The following CYP4B1 variants were observed in gnomAD, a reference collection of about 807,000 sequenced individuals.
CYP4B1 encodes cytochrome P450 family 4 subfamily B member 1.
CYP4B1 carries 45 observed loss-of-function variants against 54.0 expected under a neutral mutation model. The observed-to-expected ratio is 0.83, with a 90% CI of 0.66 to 1.07. CYP4B1 has a LOEUF of 1.07. CYP4B1 is among the 50% of genes least tolerant of loss of function. CYP4B1 has a pLI of 0.00. For synonymous variants in CYP4B1, 248 were observed against 247.5 expected, an observed-to-expected ratio of 1.00 and a Z score of -0.02; for missense variants, 656 against 655.4, an observed-to-expected ratio of 1.00 and a Z score of -0.01.
At chr1:46,807,883 G>A (rs557217620) in intron 1 of CYP4B1, among the ~76,000 whole-genome samples, 1 of 152,346 alleles carries the variant, frequency 6.6e-6, no homozygotes, top group Non-Finnish European at 1.5e-5. Context: ...ATTATCAGAT[G>A]CCTGTGTCCT....
At chr1:46,816,831 A>G (rs544134502) in intron 8 of CYP4B1, among the ~76,000 whole-genome samples, 1 of 152,236 alleles carries the variant, frequency 6.6e-6, no homozygotes, top group East Asian at 1.9e-4. Context: ...CTACCAGTGA[A>G]GATGAGAAAG....
At position 46,799,093 on chromosome 1, in the gene CYP4B1, C is replaced by T. The variant is rs113351559; in HGVS notation, c.12C>T (p.Ser4=). The T allele has an allele frequency of 2.3e-5, 37 of 1,614,014 alleles. No individual in the cohort carries two copies. Among genetic ancestry groups the T allele is most frequent in the African/African-American group, 1.9e-4 (14 of 75,054 alleles). ...CTGGAACTGCAACCATGGTGCCCAG[C>T]TTCCTCTCCCTGAGCTTCTCCTCCT... The part of the protein sequence containing the change: MVP[S]FLSLSFSSLG... The change falls in exon 1 of 12, where the codon AGC becomes AGT. Residue 4 remains serine, a synonymous_variant. Transcript: ENST00000371923.
intron 9 of CYP4B1, among the ~76,000 whole-genome samples, chr1:46,817,614 A>G (rs1390710859): frequency 6.6e-6 from 1 of 152,214 alleles, no homozygotes; most frequent in Non-Finnish European, 1.5e-5. Flanking sequence ...GATAGCTGTT[A>G]CTGTTGGCAG....
rs1366727492 is a variant in CYP4B1, at chr1:46,814,292, C to T, written c.859C>T (p.Leu287=). Residue 287 remains leucine, a synonymous_variant, in exon 7 of 12, where the codon CTG becomes TTG. Transcript: ENST00000371923. ...CCAGAACCGGAGGCACCTGGACTTC[C>T]TGGACATTCTCCTGGGTGCCCGGGT... ...KIQNRRHLDF[L]DILLGARDED... is the part of the protein sequence containing the mutation. The T allele has an allele frequency of 6.2e-7, 1 of 1,613,832 alleles. No homozygotes were observed. Among genetic ancestry groups the T allele is most frequent in the Non-Finnish European group, 8.5e-7 (1 of 1,179,956 alleles).
intron 10 of CYP4B1, 31 bp downstream of exon 10, chr1:46,818,060 A>C: frequency 6.2e-7 from 1 of 1,613,584 alleles, no homozygotes; most frequent in Non-Finnish European, 8.5e-7. Flanking sequence ...GAGATCAGAC[A>C]GGGTGGGGGA....
intron 7 of CYP4B1, 98 bp downstream of exon 7, chr1:46,814,413 C>CCG (rs1679249571): frequency 1.2e-6 from 1 of 835,042 alleles, no homozygotes; most frequent in African/African-American, 1.7e-5. Flanking sequence ...AGCATTTCCC[C>CCG]CTTTCCTCAG....
At chr1:46,800,832 T>G (rs769238682) in intron 1 of CYP4B1, among the ~76,000 whole-genome samples, 1 of 152,128 alleles carries the variant, frequency 6.6e-6, no homozygotes, top group Non-Finnish European at 1.5e-5. Context: ...AAGGAAAGTG[T>G]GGGTCAGAGA....
Position 46,818,186 on chromosome 1 carries a change from C to T in CYP4B1, c.1328C>T (p.Ala443Val). Residue 443 changes from alanine to valine, a missense_variant, in exon 11 of 12, where the codon GCC becomes GTC. Transcript: ENST00000371923. ...AATGCATCCAAACGCCATCCCTTTG[C>T]CTTTATGCCCTTCTCTGCTGGGCCC... ...TENASKRHPF[A>V]FMPFSAGPRN... is the part of the protein sequence containing the mutation. 6.2e-7 allele frequency: 1 copy of T among 1,614,148 alleles called. No homozygotes were observed. Among genetic ancestry groups the T allele is most frequent in the South Asian group, 1.1e-5 (1 of 91,068 alleles).
At position 46,818,008 on chromosome 1, in the gene CYP4B1, T is replaced by C. The variant is rs1435608325; in HGVS notation, c.1251T>C (p.Ser417=). The change falls in exon 10 of 12, where the codon AGT becomes AGC. Residue 417 remains serine, a synonymous_variant. Transcript: ENST00000371923. ...SMHIYALHRN[S]AVWPDPEVFD... The stretch of plus-strand genomic sequence containing the variant: ...ATATCTATGCCCTCCATAGGAACAG[T>C]GCTGTATGGCCCGACCCTGAGGTAC... 1 of 1,614,126 alleles carries C rather than the reference T, an allele frequency of 6.2e-7. No individual in the cohort carries two copies. Among genetic ancestry groups the C allele is most frequent in the South Asian group, 1.1e-5 (1 of 91,080 alleles).
chr1:46,818,138 ACT>A lies in CYP4B1; in HGVS notation c.1285_1286del (p.Leu429AlafsTer5), dbSNP rs756135384. ...CAAGGCCTGTCCCTTCAGGTCTTTG[ACT>A]CTCTGCGCTTTTCCACTGAGAATGC... On this transcript the variant is annotated frameshift_variant, in exon 11 of 12. Transcript: ENST00000371923. LOFTEE classifies it high-confidence loss of function. 8 of 1,613,774 alleles carry A rather than the reference ACT, an allele frequency of 5.0e-6. No homozygotes were observed. The highest frequency in any genetic ancestry group is 1.3e-5 in the African/African-American group (1 of 74,802).
Position 46,810,881 on chromosome 1 carries a change from T to A in CYP4B1, c.254T>A (p.Phe85Tyr). 6.2e-7 allele frequency: 1 copy of A among 1,614,078 alleles called. No homozygotes were observed. The highest frequency in any genetic ancestry group is 1.1e-5 in the South Asian group (1 of 91,062). Residue 85 changes from phenylalanine to tyrosine, a missense_variant, in exon 2 of 12, where the codon TTC (phenylalanine) becomes TAC (tyrosine). Phe to Tyr is a conservative substitution (Grantham distance 22, BLOSUM62 3). Coordinates refer to ENST00000371923, the MANE Select transcript of CYP4B1 (RefSeq NM_001099772.2). ...HQFPYAHPLW[F>Y]GQFIGFLNIY... is the part of the protein sequence containing the mutation. ...TTCCCGTATGCCCACCCACTCTGGT[T>A]CGGACAGTTCATTGGCTTCCTGAAC...
chr1:46,813,535 T>C lies in CYP4B1; in HGVS notation c.549T>C (p.Asp183=), dbSNP rs762179232. The C allele has an allele frequency of 1.2e-6, 2 of 1,614,236 alleles. No individual in the cohort carries two copies. The highest frequency in any genetic ancestry group is 1.7e-6 in the Non-Finnish European group (2 of 1,180,032). The change falls in exon 5 of 12, where the codon GAT becomes GAC. Residue 183 remains aspartate, a synonymous_variant. Coordinates refer to ENST00000371923, the MANE Select transcript of CYP4B1 (RefSeq NM_001099772.2). The part of the protein sequence containing the change: ...REGKSFDIFC[D]VGHMALNTLM... ...GTAAGTCCTTTGACATCTTCTGCGA[T>C]GTGGGTCACATGGCGCTGAACACAC...
At chr1:46,812,189 C>G (rs1387811251) in intron 3 of CYP4B1, 1 of 525,756 alleles carries the variant, frequency 1.9e-6, no homozygotes, top group Non-Finnish European at 3.7e-6. Flanking sequence ...GGATGCGTGT[C>G]CTTTGTCTCA....
chr1:46,813,915 C>T lies in CYP4B1; in HGVS notation c.627C>T (p.Asp209=). Residue 209 remains aspartate (D), a synonymous_variant, in exon 6 of 12, where the codon GAC becomes GAT. Coordinates refer to ENST00000371923, the MANE Select transcript of CYP4B1 (RefSeq NM_001099772.2). The part of the protein sequence containing the change: ...RGDTGLGHSR[D]SSYYLAVSDL... ...CCTCCTACCCTCTGCTTAGCAGGGA[C>T]AGCAGCTACTACCTTGCAGTCAGCG... 6.2e-7 allele frequency: 1 copy of T among 1,614,104 alleles called. No homozygotes were observed. The highest frequency in any genetic ancestry group is 8.5e-7 in the Non-Finnish European group (1 of 1,179,974).
Position 46,812,639 on chromosome 1 carries a change from C to G in CYP4B1, c.495+16C>G, listed in dbSNP as rs1679159357. On this transcript the variant is annotated intron_variant, in intron 4 of 11. Transcript: ENST00000371923. Reference sequence around the variant, plus strand: ...TATCATGCTGGTGAGCTCCCTGTGCCAGAGTACTGGAGGCTGTTGCCTGCT... The same window carrying G: ...TATCATGCTGGTGAGCTCCCTGTGCGAGAGTACTGGAGGCTGTTGCCTGCT... 5.0e-6 allele frequency: 8 copies of G among 1,611,828 alleles called. No homozygotes were observed. In the East Asian group the frequency reaches 1.8e-4, roughly 36 times the overall value.
chr1:46,817,224 G>A (rs1206793394), intron 9 of CYP4B1, 43 bp downstream of exon 9: 1 of 1,612,276 alleles, frequency 6.2e-7, no homozygotes. Flanking sequence ...GTCCCTGCAT[G>A]CTCCTCTGGC....
In CYP4B1 at chr1:46,818,205, T is replaced by C. The variant is rs1553133388; in HGVS notation, c.1347T>C (p.Ala449=). 1 of 1,613,896 alleles carries C rather than the reference T, an allele frequency of 6.2e-7. No individual in the cohort carries two copies. Among genetic ancestry groups the C allele is most frequent in the Admixed American group, 1.7e-5 (1 of 60,026 alleles). The change falls in exon 11 of 12, where the codon GCT becomes GCC. Residue 449 remains alanine (A), a synonymous_variant. Coordinates refer to ENST00000371923, the MANE Select transcript of CYP4B1 (RefSeq NM_001099772.2). The part of the protein sequence containing the change: ...RHPFAFMPFS[A]GPRNCIGQQF... ...CCTTTGCCTTTATGCCCTTCTCTGC[T>C]GGGCCCAGGTATGGAGAGACCCAGT...
At chr1:46,814,169 A>T (rs1228110535) in intron 6 of CYP4B1, 40 bp from the exon 7 acceptor site, 1 of 1,612,384 alleles carries the variant, frequency 6.2e-7, no homozygotes. Flanking sequence ...TGGACAAAAG[A>T]TGGCTTCCCA....
chr1:46,805,392 A>G (rs972150756), intron 1 of CYP4B1, among the ~76,000 whole-genome samples: 3 of 152,384 alleles, frequency 2.0e-5, no homozygotes, highest in Middle Eastern at 3.4e-3. Flanking sequence ...AAAGCCCATC[A>G]TCACTTCCTA....
Sources: gnomAD v4.1 joint callset for allele counts (sites outside exome capture counted in the v4.1 genomes callset) on GRCh38, gnomAD v4.1.1 for gene constraint, MANE v1.5 for transcripts, NCBI Gene and HGNC (gene_info 2026-07-23, HGNC 2026-07-21) for gene names.